The following SOX6 variants were observed in gnomAD, a reference collection of about 807,000 sequenced individuals.
SOX6 encodes transcription factor SOX-6.
In SOX6, 11 loss-of-function variants were observed where a neutral mutation model predicts 97.8. That is an observed-to-expected ratio of 0.11 (90% confidence interval 0.07 to 0.19). The LOEUF (loss-of-function observed/expected upper bound fraction) is 0.19. Among genes scored for constraint, SOX6 ranks in the 10% least tolerant of loss-of-function variants. The pLI is 1.00. For missense variants in SOX6, 810 were observed against 1,039.5 expected (o/e 0.78, Z 3.04); for synonymous variants, 360 against 371.4 (o/e 0.97, Z 0.35).
chr11:16,543,772 A>G (rs1847583112), intron 4 of SOX6, among the ~76,000 whole-genome samples: 1 of 152,206 alleles, frequency 6.6e-6, no homozygotes, highest in African/African-American at 2.4e-5. Context: ...AGCACACTCA[A>G]TACATTGCTG....
intron 9 of SOX6, among the ~76,000 whole-genome samples, chr11:16,082,951 G>A (rs1049308662): frequency 1.1e-4 from 17 of 152,072 alleles, no homozygotes; most frequent in Middle Eastern, 3.2e-3. Flanking sequence ...TGAATGTGCC[G>A]TGCTGTCTAT....
chr11:16,498,204 A>T (rs1057300074), intron 4 of SOX6, among the ~76,000 whole-genome samples: 2 of 152,210 alleles, frequency 1.3e-5, no homozygotes, highest in Admixed American at 6.5e-5. Flanking sequence ...ACAATTTCAT[A>T]TCCAGCCAAA....
intron 2 of SOX6, among the ~76,000 whole-genome samples, chr11:16,717,067 T>C (rs1848224658): frequency 6.6e-6 from 1 of 152,150 alleles, no homozygotes; most frequent in Non-Finnish European, 1.5e-5. Context: ...AAAATATAAA[T>C]CAAAAAATAA....
At chr11:16,491,400 C>T (rs1860508319) in intron 4 of SOX6, among the ~76,000 whole-genome samples, 1 of 152,218 alleles carries the variant, frequency 6.6e-6, no homozygotes, top group East Asian at 1.9e-4. Context: ...TGGACAGCTA[C>T]ACTATGTCAT....
At chr11:16,581,799 T>C (rs961461690) in intron 4 of SOX6, among the ~76,000 whole-genome samples, 6 of 151,546 alleles carry the variant, frequency 4.0e-5, no homozygotes, top group African/African-American at 1.2e-4. Flanking sequence ...CCATCTCTAC[T>C]AAAAATACAA....
intron 13 of SOX6, among the ~76,000 whole-genome samples, chr11:15,990,767 G>A (rs192273746): frequency 5.9e-5 from 9 of 152,222 alleles, no homozygotes; most frequent in Middle Eastern, 3.4e-3. Flanking sequence ...GAAAGTCTAC[G>A]CCCAGAAGTT....
chr11:15,984,720 T>C (rs1853775921), intron 15 of SOX6, among the ~76,000 whole-genome samples: 2 of 152,196 alleles, frequency 1.3e-5, no homozygotes, highest in South Asian at 4.1e-4. Context: ...GGATCTTTTA[T>C]AATAAAGTGG....
At chr11:16,046,154 A>G (rs561668914) in intron 12 of SOX6, among the ~76,000 whole-genome samples, 2 of 152,318 alleles carry the variant, frequency 1.3e-5, no homozygotes, top group South Asian at 4.1e-4. Context: ...GTAACATATT[A>G]GTCTTCATTG....
chr11:16,603,812 A>G (rs1220111678), intron 4 of SOX6, among the ~76,000 whole-genome samples: 4 of 152,066 alleles, frequency 2.6e-5, no homozygotes, highest in Admixed American at 2.6e-4. Context: ...TAGGAAGAGA[A>G]GAAAAGAAAA....
At chr11:16,703,549 A>G (rs1402793738) in intron 3 of SOX6, among the ~76,000 whole-genome samples, 1 of 152,188 alleles carries the variant, frequency 6.6e-6, no homozygotes, top group East Asian at 1.9e-4. Context: ...TTTCATAATA[A>G]TATAAACTAG....
At chr11:16,206,596 A>G (rs1852078164) in intron 4 of SOX6, among the ~76,000 whole-genome samples, 1 of 152,162 alleles carries the variant, frequency 6.6e-6, no homozygotes, top group Non-Finnish European at 1.5e-5. Context: ...AGAGTATTGT[A>G]TAGATCAAGT....
At chr11:16,426,797 C>G (rs541170357) in intron 1 of SOX6, among the ~76,000 whole-genome samples, 2 of 150,046 alleles carry the variant, frequency 1.3e-5, no homozygotes, top group East Asian at 2.0e-4. Context: ...GCCTGTAGTC[C>G]CAGCTACTTG....
chr11:16,175,223 G>T (rs16932672), intron 6 of SOX6, among the ~76,000 whole-genome samples: 10,538 of 151,900 alleles, frequency 0.069, 405 homozygotes, highest in Non-Finnish European at 0.097. Context: ...GTACATGAAG[G>T]TTTCTCTATT....
At chr11:16,262,848 T>A (rs1227292069) in intron 3 of SOX6, among the ~76,000 whole-genome samples, 1 of 151,996 alleles carries the variant, frequency 6.6e-6, no homozygotes, top group East Asian at 1.9e-4. Flanking sequence ...GATGTAAGAA[T>A]CTTAAAAAGC....
chr11:16,637,502 A>C (rs1460560524), intron 3 of SOX6, among the ~76,000 whole-genome samples: 1 of 152,218 alleles, frequency 6.6e-6, no homozygotes, highest in Non-Finnish European at 1.5e-5. Context: ...TACAGGCATG[A>C]GCCACCACAC....
intron 9 of SOX6, among the ~76,000 whole-genome samples, chr11:16,060,587 T>C (rs1847924325): frequency 6.6e-6 from 1 of 151,968 alleles, no homozygotes; most frequent in African/African-American, 2.4e-5. Flanking sequence ...AATATCATTC[T>C]ATTCAGATTG....
chr11:16,728,433 A>C (rs1241999446), intron 2 of SOX6, among the ~76,000 whole-genome samples: 4 of 152,242 alleles, frequency 2.6e-5, no homozygotes, highest in Non-Finnish European at 5.9e-5. Context: ...ATAGCCAGGC[A>C]AACAGGGTCT....
At chr11:16,196,685 C>T (rs1439854339) in intron 4 of SOX6, among the ~76,000 whole-genome samples, 3 of 151,868 alleles carry the variant, frequency 2.0e-5, no homozygotes, top group Non-Finnish European at 4.4e-5. Context: ...TGATCTTGTT[C>T]CCTCCAAGTT....
intron 3 of SOX6, among the ~76,000 whole-genome samples, chr11:16,638,746 AC>A (rs2134002051): frequency 6.6e-6 from 1 of 151,888 alleles, no homozygotes; most frequent in South Asian, 2.1e-4. Flanking sequence ...CATATCTTTC[AC>A]CCACTTGTTG....
Sources: allele counts gnomAD v4.1 joint callset (sites outside exome capture counted in the v4.1 genomes callset), GRCh38; gene constraint gnomAD v4.1.1; transcripts MANE v1.5; gene names NCBI Gene and HGNC (gene_info 2026-07-23, HGNC 2026-07-21).